ZNF764: variants seen among roughly 807,000 people sequenced by gnomAD.
The protein encoded by ZNF764 is zinc finger protein 764.
ZNF764 carries 10 observed loss-of-function variants against 13.9 expected under a neutral mutation model. The observed-to-expected ratio is 0.72, with a 90% CI of 0.44 to 1.22. The LOEUF is 1.22. Among genes scored for constraint, ZNF764 ranks in the 50% most tolerant of loss-of-function variants. ZNF764 has a pLI of 0.00. For synonymous variants in ZNF764, 313 were observed against 255.1 expected (o/e 1.23, Z -2.16); for missense variants, 647 against 589.7 (o/e 1.10, Z -1.01).
chr16:30,557,064 A>C (rs2051562811), intron 2 of ZNF764, among the ~76,000 whole-genome samples: 1 of 150,006 alleles, frequency 6.7e-6, no homozygotes, highest in Admixed American at 6.7e-5. Flanking sequence ...GGCGTCAACC[A>C]GGGAGGCGGA....
chr16:30,558,014 C>T lies in ZNF764; in HGVS notation c.169G>A (p.Glu57Lys), dbSNP rs768859017. ...AGAGCGCTCAGGTGGCCGTAGGTCT[C>T]CCGCATCACGTCCCGGTACAGGGCC... ...QRALYRDVMR[E>K]TYGHLSALGI... is the part of the protein sequence containing the mutation. Residue 57 changes from glutamate to lysine, a missense_variant, in exon 1 of 3, where the codon GAG (glutamate) becomes AAG (lysine). Coordinates refer to ENST00000395091, the MANE Select transcript of ZNF764 (RefSeq NM_001172679.2). 6.2e-7 allele frequency: 1 copy of T among 1,609,738 alleles called. No individual in the cohort carries two copies. Among genetic ancestry groups the T allele is most frequent in the South Asian group, 1.1e-5 (1 of 90,602 alleles).
chr16:30,556,063 C>A lies in ZNF764; in HGVS notation c.355G>T (p.Ala119Ser), dbSNP rs199626772. Reference protein sequence around the residue: ...KKERQREGTGALEKPDPVAAG... With the variant: ...KKERQREGTGSLEKPDPVAAG... Reference sequence around the variant, plus strand: ...GCCACAGGGTCGGGCTTCTCCAGGGCTCCCGTCCCTTCCCTTTGTCTTTCC... The same window carrying A: ...GCCACAGGGTCGGGCTTCTCCAGGGATCCCGTCCCTTCCCTTTGTCTTTCC... Residue 119 changes from alanine (A) to serine (S), a missense_variant, in exon 3 of 3, where the codon GCC becomes TCC. By Grantham distance (99) the Ala-to-Ser change is moderately conservative. Coordinates refer to ENST00000395091, the MANE Select transcript of ZNF764 (RefSeq NM_001172679.2). 5.6e-6 allele frequency: 9 copies of A among 1,612,418 alleles called. No individual in the cohort carries two copies. In the African/African-American group the frequency reaches 8.0e-5, roughly 14 times the overall value.
rs942258925 is a variant in ZNF764 at position 30,555,177 on chromosome 16, A to G, written c.*17T>C. 2.5e-6 allele frequency: 4 copies of G among 1,592,572 alleles called. No individual in the cohort carries two copies. Among genetic ancestry groups the G allele is most frequent in the Admixed American group, 1.8e-5 (1 of 56,716 alleles). Reference sequence around the variant, plus strand: ...CTCGGGCCTCCCGTAATGTCTAGATAGTCACTTTTAAGGCCGTCACCCACA... The same window carrying G: ...CTCGGGCCTCCCGTAATGTCTAGATGGTCACTTTTAAGGCCGTCACCCACA... On this transcript the variant is annotated 3_prime_UTR_variant, in exon 3 of 3. Transcript: ENST00000395091.
At position 30,555,467 on chromosome 16, in the gene ZNF764, C is replaced by G. The variant is rs759869417; in HGVS notation, c.951G>C (p.Pro317=). The G allele has an allele frequency of 6.4e-7, 1 of 1,558,200 alleles. No individual in the cohort carries two copies. The change falls in exon 3 of 3, where the codon CCG becomes CCC. Residue 317 remains proline, a synonymous_variant. Transcript: ENST00000395091. ...TCTGGCGGAAGCAGCGCCCGCAGTCCGGGCACGGGTAGGGCTTCTCGCCGG... is the reference window on the plus strand; with the variant it reads ...TCTGGCGGAAGCAGCGCCCGCAGTCGGGGCACGGGTAGGGCTTCTCGCCGG... ...THTGEKPYPC[P]DCGRCFRQSS...
At position 30,558,048 on chromosome 16, in the gene ZNF764, T is replaced by G. The variant is rs773998272; in HGVS notation, c.135A>C (p.Pro45=). ...FCREEWGCLR[P]AQRALYRDVM... The stretch of plus-strand genomic sequence containing the variant: ...CGTCCCGGTACAGGGCCCTCTGCGC[T>G]GGCCGCAAGCAGCCCCACTCCTCCC... Residue 45 remains proline (P), a synonymous_variant, in exon 1 of 3, where the codon CCA becomes CCC. Coordinates refer to ENST00000395091, the MANE Select transcript of ZNF764 (RefSeq NM_001172679.2). 1.1e-5 allele frequency: 18 copies of G among 1,611,736 alleles called. No individual in the cohort carries two copies. The highest frequency in any genetic ancestry group is 2.2e-5 in the East Asian group (1 of 44,796).
rs1282766000 is a variant in ZNF764, at chr16:30,555,313, C to T, written c.1105G>A (p.Gly369Arg). 5 of 1,610,104 alleles carry T rather than the reference C, an allele frequency of 3.1e-6. No individual in the cohort carries two copies. The highest frequency in any genetic ancestry group is 1.7e-5 in the Admixed American group (1 of 59,692). Residue 369 changes from glycine to arginine, a missense_variant, in exon 3 of 3, where the codon GGG (glycine) becomes AGG (arginine). By Grantham distance (125) the Gly-to-Arg change is moderately radical. Transcript: ENST00000395091. ...KHQWVHRPGAGGHRGRVAGRL... is the reference protein window; with the variant it reads ...KHQWVHRPGARGHRGRVAGRL... ...CCGGCGACCCGGCCCCTGTGGCCCCCGGCCCCGGGCCGATGAACCCACTGG... is the reference window on the plus strand; with the variant it reads ...CCGGCGACCCGGCCCCTGTGGCCCCTGGCCCCGGGCCGATGAACCCACTGG...
chr16:30,555,185 T>C lies in ZNF764; in HGVS notation c.*9A>G, dbSNP rs2051537414. The C allele has an allele frequency of 1.9e-6, 3 of 1,601,286 alleles. No individual in the cohort carries two copies. In the South Asian group the frequency reaches 3.4e-5, roughly 18 times the overall value. On this transcript the variant is annotated 3_prime_UTR_variant, in exon 3 of 3. Transcript: ENST00000395091. ...TCCCGTAATGTCTAGATAGTCACTT[T>C]TAAGGCCGTCACCCACACTCCTGGA...
In ZNF764 at chr16:30,555,457, G is replaced by T. The variant is rs773890404; in HGVS notation, c.961C>A (p.Arg321Ser). 8 of 1,547,412 alleles carry T rather than the reference G, an allele frequency of 5.2e-6. No individual in the cohort carries two copies. In the East Asian group the frequency reaches 1.4e-4, roughly 26 times the overall value. ...EKPYPCPDCG[R>S]CFRQSSEMAA... ...ATCTCCGAGCTCTGGCGGAAGCAGCGCCCGCAGTCCGGGCACGGGTAGGGC... is the reference window on the plus strand; with the variant it reads ...ATCTCCGAGCTCTGGCGGAAGCAGCTCCCGCAGTCCGGGCACGGGTAGGGC... The change falls in exon 3 of 3, where the codon CGC becomes AGC. Residue 321 changes from arginine to serine, a missense_variant. Physicochemically the swap from Arg to Ser is moderately radical, Grantham distance 110. Coordinates refer to ENST00000395091, the MANE Select transcript of ZNF764 (RefSeq NM_001172679.2).
intron 2 of ZNF764, among the ~76,000 whole-genome samples, chr16:30,556,563 G>C (rs942563414): frequency 7.2e-5 from 11 of 152,152 alleles, no homozygotes; most frequent in Middle Eastern, 6.8e-3. Flanking sequence ...GGTGGAGGTA[G>C]AGTCAACAGA....
intron 2 of ZNF764, 75 bp downstream of exon 2, chr16:30,557,658 C>G (rs1727497955): frequency 1.3e-6 from 2 of 1,572,810 alleles, no homozygotes; most frequent in African/African-American, 1.4e-5. Context: ...AAGCAGGTAG[C>G]TGGAGGTGGC....
chr16:30,557,616 A>C, intron 2 of ZNF764, 117 bp downstream of exon 2: 1 of 1,418,686 alleles, frequency 7.0e-7, no homozygotes, highest in Non-Finnish European at 9.5e-7. Flanking sequence ...TCGTCGTCGC[A>C]GTTGAGAAGG....
At position 30,558,165 on chromosome 16, in the gene ZNF764, G is replaced by C. The variant is rs1406743104; in HGVS notation, c.18C>G (p.Ala6=). 1.3e-6 allele frequency: 2 copies of C among 1,592,510 alleles called. No homozygotes were observed. Among genetic ancestry groups the C allele is most frequent in the East Asian group, 2.2e-5 (1 of 44,640 alleles). ...CGTTTGGGTCCCGGGGAGGGAGCGG[G>C]GCCAGAGGCGGCGCCATGGTAACTG... The part of the protein sequence containing the change: MAPPL[A]PLPPRDPNGA... The change falls in exon 1 of 3, where the codon GCC becomes GCG. Residue 6 remains alanine (A), a synonymous_variant. Coordinates refer to ENST00000395091, the MANE Select transcript of ZNF764 (RefSeq NM_001172679.2).
chr16:30,555,365 A>C lies in ZNF764; in HGVS notation c.1053T>G (p.Phe351Leu). Residue 351 changes from phenylalanine to leucine, a missense_variant, in exon 3 of 3, where the codon TTT becomes TTG. Coordinates refer to ENST00000395091, the MANE Select transcript of ZNF764 (RefSeq NM_001172679.2). Reference sequence around the variant, plus strand: ...GTTTGGCCACGGCTGACTTCTGGCCAAAGCGGCGGCCGCACTGCGGGCAGG... The same window carrying C: ...GTTTGGCCACGGCTGACTTCTGGCCCAAGCGGCGGCCGCACTGCGGGCAGG... ...PYPCPQCGRR[F>L]GQKSAVAKHQ... is the part of the protein sequence containing the mutation. The C allele has an allele frequency of 6.3e-7, 1 of 1,591,210 alleles. No individual in the cohort carries two copies. Among genetic ancestry groups the C allele is most frequent in the Non-Finnish European group, 8.6e-7 (1 of 1,169,580 alleles).
Position 30,558,206 on chromosome 16 carries a change from G to A in ZNF764, c.-24C>T, listed in dbSNP as rs1360538268. 6 of 1,546,906 alleles carry A rather than the reference G, an allele frequency of 3.9e-6. No individual in the cohort carries two copies. Among genetic ancestry groups the A allele is most frequent in the Non-Finnish European group, 8.7e-7 (1 of 1,154,596 alleles). On this transcript the variant is annotated 5_prime_UTR_variant, in exon 1 of 3. Transcript: ENST00000395091. ...ATGGTAACTGTCAACCCCGACGACGGATCGGCTGCCTCCCCTGGCCTGGCC... is the reference window on the plus strand; with the variant it reads ...ATGGTAACTGTCAACCCCGACGACGAATCGGCTGCCTCCCCTGGCCTGGCC...
intron 2 of ZNF764, among the ~76,000 whole-genome samples, chr16:30,557,139 CAA>C (rs1164058299): frequency 4.5e-4 from 25 of 55,834 alleles, no homozygotes; most frequent in South Asian, 5.0e-4. Context: ...GACTCTGTCT[CAA>C]AAAAAAAAAA....
chr16:30,557,888 C>G, intron 1 of ZNF764, 42 bp from the exon 2 acceptor site: 1 of 1,575,204 alleles, frequency 6.3e-7, no homozygotes, highest in South Asian at 1.1e-5. Context: ...GGGGAGGCCA[C>G]CTGCCCGGCC....
intron 2 of ZNF764, among the ~76,000 whole-genome samples, chr16:30,557,341 T>C (rs944304093): frequency 6.6e-6 from 1 of 151,360 alleles, no homozygotes; most frequent in Non-Finnish European, 1.5e-5. Context: ...GGCGAGCACC[T>C]GTACAGTCTT....
chr16:30,555,753 G>A lies in ZNF764; in HGVS notation c.665C>T (p.Ala222Val), dbSNP rs1279974423. Residue 222 changes from alanine (A) to valine (V), a missense_variant, in exon 3 of 3, where the codon GCC becomes GTC. Ala to Val is a moderately conservative substitution (Grantham distance 64). Coordinates refer to ENST00000395091, the MANE Select transcript of ZNF764 (RefSeq NM_001172679.2). ...GTGGGGCCGCTCCCCACGATGGATG[G>A]CCCGGTGTTTGCTCAGGGAGGAAGC... Reference protein sequence around the residue: ...GHASSLSKHRAIHRGERPHRC... With the variant: ...GHASSLSKHRVIHRGERPHRC... 1 of 1,606,882 alleles carries A rather than the reference G, an allele frequency of 6.2e-7. No individual in the cohort carries two copies. Among genetic ancestry groups the A allele is most frequent in the Admixed American group, 1.7e-5 (1 of 59,510 alleles).
In ZNF764 at chr16:30,553,955, C is replaced by CT. The variant is rs1204970860; in HGVS notation, c.*1238dup. 2 of 152,192 alleles carry CT rather than the reference C, an allele frequency of 1.3e-5. No homozygotes were observed. The highest frequency in any genetic ancestry group is 2.9e-5 in the Non-Finnish European group (2 of 68,038). 9.4% of individuals were successfully genotyped at this position (152,192 alleles called of 1,614,324 possible). A position where few individuals can be genotyped will look rare whatever the true frequency, so the allele number is the denominator to read the frequency against. On this transcript the variant is annotated 3_prime_UTR_variant, in exon 3 of 3. Coordinates refer to ENST00000395091, the MANE Select transcript of ZNF764 (RefSeq NM_001172679.2). ...ATGGGTCTAAGAAATACTTCCCTTT[C>CT]TTCTTCGCTGTACTTTAAGATAAAC...
Sources: allele counts gnomAD v4.1 joint callset (sites outside exome capture counted in the v4.1 genomes callset), GRCh38; gene constraint gnomAD v4.1.1; transcripts MANE v1.5; gene names NCBI Gene and HGNC (gene_info 2026-07-23, HGNC 2026-07-21).